GDAP1: variants seen among roughly 807,000 people sequenced by gnomAD.
The protein encoded by GDAP1 is ganglioside-induced differentiation-associated protein 1.
GDAP1 carries 34 observed loss-of-function variants against 40.1 expected under a neutral mutation model. The observed-to-expected ratio is 0.85, with a 90% confidence interval of 0.64 to 1.13. GDAP1 has a LOEUF of 1.13. GDAP1 is among the 50% of genes most tolerant of loss of function. The pLI is 0.00. For missense variants in GDAP1, 374 were observed against 433.7 expected (o/e 0.86, Z 1.22); for synonymous variants, 170 against 157.4 (o/e 1.08, Z -0.60).
intron 2 of GDAP1, among the ~76,000 whole-genome samples, chr8:74,390,082 A>G (rs536365283): frequency 4.6e-5 from 7 of 152,124 alleles, no homozygotes; most frequent in Non-Finnish European, 8.8e-5. Flanking sequence ...CAATTCCTCT[A>G]ACCTTTTTTG....
chr8:74,444,192 GCACACACACACACACACGCGCGCACA>G (rs779155350), intron 2 of GDAP1, among the ~76,000 whole-genome samples: 42,212 of 108,702 alleles, frequency 0.39, 7,669 homozygotes, highest in Non-Finnish European at 0.45. Flanking sequence ...GCAGGCAAAT[GCACACACACACACACACGCGCGCACA>G]CACACACACA....
At chr8:74,377,377 C>G (rs1809873758) in intron 2 of GDAP1, among the ~76,000 whole-genome samples, 1 of 152,000 alleles carries the variant, frequency 6.6e-6, no homozygotes, top group Admixed American at 6.5e-5. Flanking sequence ...TAAAAATGGG[C>G]AAAAGCTTGA....
intron 2 of GDAP1, among the ~76,000 whole-genome samples, chr8:74,356,716 A>ATTTTTTTT (rs377497809): frequency 8.6e-5 from 9 of 104,360 alleles, no homozygotes; most frequent in African/African-American, 3.7e-4. Context: ...ATATATATAT[A>ATTTTTTTT]TTTTTTTTTT....
At chr8:74,482,317 T>C (rs1229357273) in intron 2 of GDAP1, among the ~76,000 whole-genome samples, 1 of 152,186 alleles carries the variant, frequency 6.6e-6, no homozygotes. Flanking sequence ...ATCAGCAAAT[T>C]ATCCCTATGC....
intron 2 of GDAP1, among the ~76,000 whole-genome samples, chr8:74,393,646 A>G (rs906603053): frequency 2.6e-5 from 4 of 152,218 alleles, no homozygotes; most frequent in African/African-American, 7.2e-5. Context: ...ACCTGGGAGA[A>G]TAACAAAATA....
intron 2 of GDAP1, among the ~76,000 whole-genome samples, chr8:74,476,750 A>T (rs1348240301): frequency 6.6e-6 from 1 of 152,002 alleles, no homozygotes; most frequent in Non-Finnish European, 1.5e-5. Context: ...GAGTCTGATG[A>T]TTATATGTCT....
At chr8:74,398,927 G>C (rs1810262620) in intron 2 of GDAP1, among the ~76,000 whole-genome samples, 1 of 152,076 alleles carries the variant, frequency 6.6e-6, no homozygotes, top group African/African-American at 2.4e-5. Flanking sequence ...TAAGCTTTTT[G>C]ATGTGCTGCT....
intron 2 of GDAP1, among the ~76,000 whole-genome samples, chr8:74,457,017 C>A (rs1586840367): frequency 6.6e-6 from 1 of 152,004 alleles, no homozygotes; most frequent in Admixed American, 6.5e-5. Context: ...CATATGGCTA[C>A]CCCTTACTTC....
At chr8:74,395,110 C>G (rs1745034087) in intron 2 of GDAP1, among the ~76,000 whole-genome samples, 1 of 152,150 alleles carries the variant, frequency 6.6e-6, no homozygotes, top group South Asian at 2.1e-4. Flanking sequence ...GATGCCCAAA[C>G]AATGAATGTT....
intron 2 of GDAP1, among the ~76,000 whole-genome samples, chr8:74,400,341 A>C (rs1810303216): frequency 6.7e-6 from 1 of 149,598 alleles, no homozygotes; most frequent in African/African-American, 2.6e-5. Flanking sequence ...TGTTGGATTA[A>C]AGTCTGTTTT....
chr8:74,399,558 G>A (rs1211597591), intron 2 of GDAP1, among the ~76,000 whole-genome samples: 2 of 143,406 alleles, frequency 1.4e-5, no homozygotes, highest in African/African-American at 5.7e-5. Flanking sequence ...CTTCAGTTCT[G>A]CTCTGATTTT....
At chr8:74,481,435 T>A (rs996017630) in intron 2 of GDAP1, among the ~76,000 whole-genome samples, 26 of 152,362 alleles carry the variant, frequency 1.7e-4, no homozygotes, top group African/African-American at 5.8e-4. Context: ...TTGACTATGT[T>A]GGCCTTATCT....
At chr8:74,473,996 C>T (rs1459086507) in intron 2 of GDAP1, among the ~76,000 whole-genome samples, 1 of 152,102 alleles carries the variant, frequency 6.6e-6, no homozygotes, top group Non-Finnish European at 1.5e-5. Context: ...TTGTAGTTCT[C>T]ATTGTAGAGA....
downstream of GDAP1, among the ~76,000 whole-genome samples, chr8:74,370,995 T>G (rs1809739219): frequency 6.6e-6 from 1 of 152,158 alleles, no homozygotes; most frequent in Non-Finnish European, 1.5e-5. Flanking sequence ...CAATGGAAAA[T>G]GTTAGTTGGA....
chr8:74,401,131 A>T (rs910556057), intron 2 of GDAP1, among the ~76,000 whole-genome samples: 1 of 149,044 alleles, frequency 6.7e-6, no homozygotes, highest in African/African-American at 2.6e-5. Flanking sequence ...TCTCCTGGAT[A>T]ATATCCTGCA....
intron 2 of GDAP1, among the ~76,000 whole-genome samples, chr8:74,428,869 C>T (rs1321054208): frequency 3.5e-5 from 5 of 143,960 alleles, no homozygotes; most frequent in African/African-American, 5.2e-5. Context: ...CCCGCCTCCC[C>T]CGACCCCACA....
At chr8:74,373,792 T>C (rs1809797306) in intron 2 of GDAP1, among the ~76,000 whole-genome samples, 1 of 152,204 alleles carries the variant, frequency 6.6e-6, no homozygotes, top group Non-Finnish European at 1.5e-5. Context: ...TCCAACACTA[T>C]GTCGAATAGG....
intron 2 of GDAP1, among the ~76,000 whole-genome samples, chr8:74,390,185 A>G (rs891731744): frequency 1.3e-4 from 20 of 152,172 alleles, no homozygotes; most frequent in African/African-American, 4.1e-4. Context: ...ACTTCTGTCA[A>G]TTCATCAAAC....
At chr8:74,396,640 A>T (rs1810205061) in intron 2 of GDAP1, among the ~76,000 whole-genome samples, 1 of 152,140 alleles carries the variant, frequency 6.6e-6, no homozygotes, top group Admixed American at 6.5e-5. Context: ...TTTACTGAGA[A>T]TGATGATTTC....
Sources: gnomAD v4.1 joint callset for allele counts (sites outside exome capture counted in the v4.1 genomes callset) on GRCh38, gnomAD v4.1.1 for gene constraint, MANE v1.5 for transcripts, NCBI Gene and HGNC (gene_info 2026-07-23, HGNC 2026-07-21) for gene names.